The following CAMTA1 variants were observed in gnomAD, a reference collection of about 807,000 sequenced individuals.
CAMTA1 encodes calmodulin binding transcription activator 1.
Under a neutral mutation model 170.9 loss-of-function variants are expected in CAMTA1, and 27 were observed. The observed-to-expected ratio is 0.16, with a 90% CI of 0.12 to 0.22. CAMTA1 has a LOEUF of 0.22. Ranked by LOEUF, CAMTA1 falls within the 10% of genes least tolerant of loss-of-function variation. The pLI is 1.00. For synonymous variants in CAMTA1, 833 were observed against 891.5 expected (o/e 0.93, Z 1.17); for missense variants, 1,619 against 2,217.2 (o/e 0.73, Z 5.42).
At chr1:6,922,179 T>G (rs574366580) in intron 3 of CAMTA1, among the ~76,000 whole-genome samples, 1 of 152,352 alleles carries the variant, frequency 6.6e-6, no homozygotes, top group Admixed American at 6.5e-5. Flanking sequence ...CTCTTTTTTT[T>G]GCCAAAAACT....
chr1:6,836,651 T>C (rs565703752), intron 3 of CAMTA1, among the ~76,000 whole-genome samples: 12 of 152,296 alleles, frequency 7.9e-5, no homozygotes, highest in African/African-American at 2.9e-4. Context: ...GTGGGGCGTC[T>C]GCGGTAGCAC....
At chr1:7,218,673 G>T (rs572648095) in intron 4 of CAMTA1, among the ~76,000 whole-genome samples, 4 of 152,244 alleles carry the variant, frequency 2.6e-5, no homozygotes, top group African/African-American at 9.6e-5. Flanking sequence ...CCTGTAGGAT[G>T]TACTTTCTCT....
At chr1:6,804,868 T>A (rs949989725) in intron 1 of CAMTA1, among the ~76,000 whole-genome samples, 3 of 152,248 alleles carry the variant, frequency 2.0e-5, no homozygotes, top group African/African-American at 7.2e-5. Context: ...TCACTCCTTT[T>A]ATTTTTGAAT....
At chr1:7,727,482 C>T (rs2096698968) in intron 11 of CAMTA1, among the ~76,000 whole-genome samples, 1 of 152,106 alleles carries the variant, frequency 6.6e-6, no homozygotes, top group Admixed American at 6.6e-5. Flanking sequence ...ATCTGTTGGT[C>T]GACAAAAGAG....
At chr1:7,211,802 T>C (rs1373417833) in intron 4 of CAMTA1, among the ~76,000 whole-genome samples, 1 of 152,208 alleles carries the variant, frequency 6.6e-6, no homozygotes, top group Non-Finnish European at 1.5e-5. Context: ...AGCTAAGCAA[T>C]GCATGTGTGA....
intron 5 of CAMTA1, among the ~76,000 whole-genome samples, chr1:7,408,051 C>T (rs1365993165): frequency 3.3e-5 from 5 of 152,176 alleles, no homozygotes; most frequent in Non-Finnish European, 4.4e-5. Context: ...GGCCTGGCAC[C>T]GGCCACGAGG....
chr1:7,040,786 C>T (rs966526449), intron 3 of CAMTA1, among the ~76,000 whole-genome samples: 14 of 151,044 alleles, frequency 9.3e-5, no homozygotes, highest in Admixed American at 8.6e-4. Flanking sequence ...TGTGCAATGG[C>T]GCGATCTTGG....
intron 5 of CAMTA1, among the ~76,000 whole-genome samples, chr1:7,357,936 T>C (rs1432090225): frequency 6.6e-6 from 1 of 152,194 alleles, no homozygotes; most frequent in African/African-American, 2.4e-5. Flanking sequence ...AAGGCTGATC[T>C]CCCTCAGGGA....
chr1:7,449,599 A>G (rs995708694), intron 5 of CAMTA1, among the ~76,000 whole-genome samples: 2 of 151,914 alleles, frequency 1.3e-5, no homozygotes, highest in Admixed American at 6.6e-5. Context: ...GTGAAACCCC[A>G]TCTCTACTGA....
intron 4 of CAMTA1, among the ~76,000 whole-genome samples, chr1:7,228,423 G>A (rs1180322965): frequency 2.0e-5 from 3 of 152,210 alleles, no homozygotes; most frequent in East Asian, 1.9e-4. Context: ...GTGAGCCCTC[G>A]GCATAGCTCC....
chr1:6,965,812 C>A lies in CAMTA1; in HGVS notation c.235-125492C>A, dbSNP rs1347517429. Among the ~76,000 whole-genome samples the A allele has an allele frequency of 6.6e-6, 1 of 152,160 alleles. No homozygotes were observed. Among genetic ancestry groups the A allele is most frequent in the African/African-American group, 2.4e-5 (1 of 41,424 alleles). On this transcript the variant is annotated intron_variant, in intron 3 of 22. Coordinates refer to ENST00000303635, the MANE Select transcript of CAMTA1 (RefSeq NM_015215.4). This position sits in a 1 kb window ranked among gnomAD's most constrained non-coding sequence, Gnocchi z 4.1. ...AGGTCTGGATGGAGCCTGAATGCGGCATTAACTGCATATCAGAGACCCTTT... is the reference window on the plus strand; with the variant it reads ...AGGTCTGGATGGAGCCTGAATGCGGAATTAACTGCATATCAGAGACCCTTT...
chr1:6,863,143 T>G (rs1665385099), intron 3 of CAMTA1, among the ~76,000 whole-genome samples: 1 of 152,202 alleles, frequency 6.6e-6, no homozygotes, highest in African/African-American at 2.4e-5. Context: ...GGTGTTTTAC[T>G]GTGTGTGTAT....
chr1:7,360,132 A>G (rs1290015414), intron 5 of CAMTA1, among the ~76,000 whole-genome samples: 1 of 152,158 alleles, frequency 6.6e-6, no homozygotes, highest in Non-Finnish European at 1.5e-5. Flanking sequence ...GTAATCAGTC[A>G]TATTGGATTA....
At chr1:7,498,347 T>C (rs1054100233) in intron 6 of CAMTA1, among the ~76,000 whole-genome samples, 5 of 146,270 alleles carry the variant, frequency 3.4e-5, no homozygotes, top group African/African-American at 1.3e-4. Context: ...TGTATGAGTG[T>C]GTGTAGAGTG....
At chr1:7,615,672 G>T (rs1208468398) in intron 6 of CAMTA1, among the ~76,000 whole-genome samples, 4 of 152,228 alleles carry the variant, frequency 2.6e-5, no homozygotes, top group African/African-American at 7.2e-5. Context: ...AGGGGGTTTT[G>T]TGGCCACTTC....
intron 6 of CAMTA1, among the ~76,000 whole-genome samples, chr1:7,526,492 G>T (rs1164379298): frequency 2.6e-5 from 4 of 152,206 alleles, no homozygotes; most frequent in African/African-American, 9.7e-5. Context: ...TCCAGGCCGT[G>T]GATACTGCAC....
intron 4 of CAMTA1, among the ~76,000 whole-genome samples, chr1:7,100,620 T>TG (rs1430722617): frequency 6.6e-6 from 1 of 152,236 alleles, no homozygotes; most frequent in Non-Finnish European, 1.5e-5. Context: ...GCTGCTGACA[T>TG]GCACACATGC....
intron 5 of CAMTA1, among the ~76,000 whole-genome samples, chr1:7,291,796 A>G (rs1673177920): frequency 6.6e-6 from 1 of 152,196 alleles, no homozygotes; most frequent in Non-Finnish European, 1.5e-5. Flanking sequence ...GTTGTCACCC[A>G]CATTTGGCTT....
chr1:7,370,291 G>A (rs1574967162), intron 5 of CAMTA1: 1 of 152,204 alleles, frequency 6.6e-6, no homozygotes, highest in African/African-American at 2.4e-5. Flanking sequence ...TGGTTATTAT[G>A]GTGTATGCTA....
Sources: gnomAD v4.1 joint callset for allele counts (sites outside exome capture counted in the v4.1 genomes callset) on GRCh38, gnomAD v4.1.1 for gene constraint, Gnocchi (gnomAD v3.1) non-coding constraint, MANE v1.5 for transcripts, NCBI Gene and HGNC (gene_info 2026-07-23, HGNC 2026-07-21) for gene names.